Variants in CSMD1 observed in about 807,000 individuals in gnomAD.
CSMD1 encodes the protein CUB and sushi domain-containing protein 1.
In CSMD1, 213 loss-of-function variants were observed where a neutral mutation model predicts 417.5. The ratio of observed to expected loss-of-function variants is 0.51; its 90% CI spans 0.46 to 0.57. The LOEUF (loss-of-function observed/expected upper bound fraction) is 0.57, where lower values mean the gene tolerates loss of function less well. Ranked by LOEUF, CSMD1 falls within the 20% of genes least tolerant of loss-of-function variation. The pLI is 0.00. For missense variants in CSMD1, 6,923 were observed against 4,529.7 expected, an observed-to-expected ratio of 1.53 and a Z score of -15.17; for synonymous variants, 2,862 against 1,736.8, an observed-to-expected ratio of 1.65 and a Z score of -16.11.
intron 1 of CSMD1, among the ~76,000 whole-genome samples, chr8:4,992,251 C>T (rs1251327435): frequency 1.3e-5 from 2 of 152,210 alleles, no homozygotes; most frequent in African/African-American, 2.4e-5. Context: ...CAGCCTCATC[C>T]TAGCGCTGCA....
chr8:4,362,710 G>C (rs1801842716), intron 3 of CSMD1, among the ~76,000 whole-genome samples: 1 of 152,320 alleles, frequency 6.6e-6, no homozygotes, highest in Middle Eastern at 3.4e-3. Context: ...ATTTGTAAGA[G>C]AAAAGGACTT....
chr8:4,215,963 T>A (rs1284426608), intron 3 of CSMD1, among the ~76,000 whole-genome samples: 1 of 152,144 alleles, frequency 6.6e-6, no homozygotes, highest in African/African-American at 2.4e-5. Flanking sequence ...TTGTTGGCAT[T>A]TTTATCCAGA....
chr8:3,890,285 G>C (rs911116659), intron 5 of CSMD1, among the ~76,000 whole-genome samples: 14 of 152,118 alleles, frequency 9.2e-5, no homozygotes, highest in African/African-American at 3.4e-4. Flanking sequence ...GCTGGGTTTT[G>C]ATTTACTTGA....
chr8:3,269,890 G>C (rs886516956), intron 26 of CSMD1, among the ~76,000 whole-genome samples: 26 of 152,222 alleles, frequency 1.7e-4, no homozygotes, highest in African/African-American at 5.3e-4. Flanking sequence ...AGCCTCTAAA[G>C]CTCCTTTTTC....
At chr8:4,686,530 G>C (rs968405453) in intron 1 of CSMD1, among the ~76,000 whole-genome samples, 2 of 152,198 alleles carry the variant, frequency 1.3e-5, no homozygotes, top group Non-Finnish European at 2.9e-5. Context: ...CGAAGAACCT[G>C]AGCAAACAGC....
intron 1 of CSMD1, among the ~76,000 whole-genome samples, chr8:4,856,265 G>T (rs1409643781): frequency 1.4e-5 from 2 of 141,174 alleles, no homozygotes; most frequent in South Asian, 4.8e-4. Context: ...CCTGAAGGAA[G>T]CACTAAACAT....
At chr8:3,381,712 C>G (rs909921321) in intron 18 of CSMD1, among the ~76,000 whole-genome samples, 4 of 151,970 alleles carry the variant, frequency 2.6e-5, no homozygotes, top group African/African-American at 9.7e-5. Context: ...GTTCCAATTA[C>G]AAAAATAAGA....
intron 2 of CSMD1, among the ~76,000 whole-genome samples, chr8:4,608,864 TA>T (rs945343481): frequency 4.6e-5 from 7 of 152,318 alleles, no homozygotes; most frequent in African/African-American, 1.4e-4. Flanking sequence ...AACAGGGAAC[TA>T]GAAAACATTT....
intron 23 of CSMD1, among the ~76,000 whole-genome samples, chr8:3,337,160 C>G: frequency 6.6e-6 from 1 of 152,128 alleles, no homozygotes; most frequent in Non-Finnish European, 1.5e-5. Flanking sequence ...GTACATGACT[C>G]TGCCACAAAC....
chr8:4,321,094 T>G (rs911507117), intron 3 of CSMD1, among the ~76,000 whole-genome samples: 2 of 152,156 alleles, frequency 1.3e-5, no homozygotes, highest in Admixed American at 1.3e-4. Flanking sequence ...TTATATTGAG[T>G]TTTTGTCTAG....
chr8:3,343,343 G>A lies in CSMD1; in HGVS notation c.3582C>T (p.Phe1194=), dbSNP rs773231004. ...NSTSNHLWLE[F]NTNGSDTDQG... ...GGTCGGTGTCAGATCCATTGGTGTT[G>A]AACTCTAGCCACAGGTGATTGGATG... Residue 1194 remains phenylalanine (F), a synonymous_variant, in exon 23 of 70, where the codon TTC becomes TTT. Coordinates refer to ENST00000635120, the MANE Select transcript of CSMD1 (RefSeq NM_033225.6). 10 of 1,613,682 alleles carry A rather than the reference G, an allele frequency of 6.2e-6. No homozygotes were observed. Among genetic ancestry groups the A allele is most frequent in the Non-Finnish European group, 8.5e-6 (10 of 1,179,746 alleles).
intron 12 of CSMD1, among the ~76,000 whole-genome samples, chr8:3,443,202 G>A (rs1025434450): frequency 6.6e-6 from 1 of 152,126 alleles, no homozygotes; most frequent in African/African-American, 2.4e-5. Flanking sequence ...CACGCACAAG[G>A]CTATTCATGT....
At chr8:3,567,680 C>A (rs1338540529) in intron 10 of CSMD1, among the ~76,000 whole-genome samples, 1 of 152,128 alleles carries the variant, frequency 6.6e-6, no homozygotes, top group Non-Finnish European at 1.5e-5. Context: ...AGCAATGCAA[C>A]TGTACAGAAA....
chr8:3,840,518 C>T (rs139555368), intron 5 of CSMD1, among the ~76,000 whole-genome samples: 63 of 151,974 alleles, frequency 4.1e-4, no homozygotes, highest in African/African-American at 1.4e-3. Context: ...CAAAACAAAA[C>T]GGTAGAGGAA....
intron 1 of CSMD1, among the ~76,000 whole-genome samples, chr8:4,918,255 G>A (rs143855217): frequency 2.0e-4 from 31 of 152,316 alleles, no homozygotes; most frequent in African/African-American, 7.0e-4. Flanking sequence ...CTCCATGTGC[G>A]AAGCATGTGA....
intron 31 of CSMD1, among the ~76,000 whole-genome samples, chr8:3,203,613 G>A (rs1797103060): frequency 6.6e-6 from 1 of 152,112 alleles, no homozygotes; most frequent in Admixed American, 6.5e-5. Flanking sequence ...ACACTCCGTG[G>A]ATAAAAAACA....
intron 1 of CSMD1, among the ~76,000 whole-genome samples, chr8:4,846,298 T>C (rs578207530): frequency 7.2e-5 from 11 of 152,384 alleles, no homozygotes; most frequent in Non-Finnish European, 1.5e-4. Flanking sequence ...TATTTCCATG[T>C]ATACCTTACT....
At chr8:3,003,391 CCTCT>C (rs1177570777) in intron 52 of CSMD1, among the ~76,000 whole-genome samples, 6 of 152,134 alleles carry the variant, frequency 3.9e-5, no homozygotes, top group African/African-American at 1.4e-4. Context: ...ACCTAGAAAG[CCTCT>C]CTGTCTTCCC....
At chr8:4,021,565 G>C (rs549771103) in intron 4 of CSMD1, among the ~76,000 whole-genome samples, 1 of 152,154 alleles carries the variant, frequency 6.6e-6, no homozygotes, top group Non-Finnish European at 1.5e-5. Flanking sequence ...AGGTGCACCT[G>C]GGATCATCCT....
Sources: allele counts gnomAD v4.1 joint callset (sites outside exome capture counted in the v4.1 genomes callset), GRCh38; gene constraint gnomAD v4.1.1; transcripts MANE v1.5; gene names NCBI Gene and HGNC (gene_info 2026-07-23, HGNC 2026-07-21).